Variants in TEX2 observed in about 807,000 individuals in gnomAD.
TEX2 encodes testis expressed 2, also known as testis-expressed protein 2.
A neutral mutation model predicts 106.9 loss-of-function variants in TEX2; 53 were observed. That is an observed-to-expected ratio of 0.50 (90% CI 0.40 to 0.62). The LOEUF is 0.62. Ranked by LOEUF, TEX2 falls within the 20% of genes least tolerant of loss-of-function variation. The probability of loss-of-function intolerance (pLI) is 0.00; values close to 1 mark genes in which losing one functional copy is unlikely to be tolerated. For missense variants in TEX2, 1,207 were observed against 1,379.0 expected (o/e 0.88, Z 1.98); for synonymous variants, 523 against 534.8 (o/e 0.98, Z 0.30).
At chr17:64,252,634 G>A (rs1354900663) in intron 1 of TEX2, among the ~76,000 whole-genome samples, 1 of 152,132 alleles carries the variant, frequency 6.6e-6, no homozygotes, top group Non-Finnish European at 1.5e-5. Flanking sequence ...AAGTTTTAAA[G>A]AGAAGTCCTC....
At chr17:64,225,044 A>G (rs187891884) in intron 1 of TEX2, among the ~76,000 whole-genome samples, 3 of 152,292 alleles carry the variant, frequency 2.0e-5, no homozygotes, top group African/African-American at 7.2e-5. Context: ...ATAACTCAGG[A>G]CAGGTGTGTC....
intron 1 of TEX2, among the ~76,000 whole-genome samples, chr17:64,257,558 T>C (rs1229638689): frequency 6.6e-6 from 1 of 152,216 alleles, no homozygotes; most frequent in African/African-American, 2.4e-5. Flanking sequence ...CACTGTCCAA[T>C]CCCATCCTGC....
intron 1 of TEX2, among the ~76,000 whole-genome samples, chr17:64,229,544 T>G (rs2033605361): frequency 6.6e-6 from 1 of 152,138 alleles, no homozygotes; most frequent in Admixed American, 6.5e-5. Context: ...ATGTTGAAGC[T>G]CTCTATCTTT....
At chr17:64,149,626 C>G (rs1017691298) in intron 11 of TEX2, 4 of 152,378 alleles carry the variant, frequency 2.6e-5, no homozygotes, top group Non-Finnish European at 5.8e-5. Flanking sequence ...CTAAAAATAC[C>G]AAAAAATTAG....
intron 1 of TEX2, among the ~76,000 whole-genome samples, chr17:64,251,874 T>G (rs539139895): frequency 4.3e-4 from 65 of 152,250 alleles, no homozygotes; most frequent in Non-Finnish European, 8.1e-4. Flanking sequence ...CAGAAACACT[T>G]GGCAAACACC....
chr17:64,198,163 A>C (rs1309252958), intron 2 of TEX2, among the ~76,000 whole-genome samples: 1 of 152,116 alleles, frequency 6.6e-6, no homozygotes, highest in East Asian at 1.9e-4. Context: ...GCAGTTAAAA[A>C]AAATGCATTC....
Position 64,185,826 on chromosome 17 carries a change from G to A in TEX2, c.2424+2342C>T, listed in dbSNP as rs901820529. On this transcript the variant is annotated intron_variant, in intron 5 of 11. Coordinates refer to ENST00000584379, the MANE Select transcript of TEX2 (RefSeq NM_001288732.2). This position sits in a 1 kb window ranked among gnomAD's most constrained non-coding sequence, Gnocchi z 4.0. ...AGTCCTGGCTACTCAGGAGGCTGAGGCAGAAGAATTGCTTGAACCTGGGAG... is the reference window on the plus strand; with the variant it reads ...AGTCCTGGCTACTCAGGAGGCTGAGACAGAAGAATTGCTTGAACCTGGGAG... Among the ~76,000 whole-genome samples the A allele has an allele frequency of 6.6e-6, 1 of 152,124 alleles. No individual in the cohort carries two copies. The highest frequency in any genetic ancestry group is 3.2e-3 in the Middle Eastern group (1 of 316).
In TEX2 at chr17:64,167,751, G is replaced by A. The variant is rs1164031458; in HGVS notation, c.2671+3349C>T. ...GGAGAATCACTTGAACCCAGGAGGT[G>A]GAGGTTGCAGTGAGTTGAGATCATG... On this transcript the variant is annotated intron_variant, in intron 7 of 11. Transcript: ENST00000584379. Among the ~76,000 whole-genome samples the A allele has an allele frequency of 8.5e-5, 13 of 152,206 alleles. No individual in the cohort carries two copies. In the South Asian group the frequency reaches 2.5e-3, roughly 29 times the overall value.
At chr17:64,212,482 T>C (rs1166362990) in intron 2 of TEX2, 92 bp downstream of exon 2, 8 of 1,257,320 alleles carry the variant, frequency 6.4e-6, no homozygotes, top group Middle Eastern at 5.0e-4. Context: ...TGTGCAAAAA[T>C]CTTTAACAGC....
At chr17:64,203,407 A>G (rs1415628635) in intron 2 of TEX2, among the ~76,000 whole-genome samples, 3 of 152,244 alleles carry the variant, frequency 2.0e-5, no homozygotes, top group African/African-American at 7.2e-5. Flanking sequence ...GTTGAAAATC[A>G]TCTCTGAAGC....
chr17:64,154,813 CAG>C (rs1207051033), intron 9 of TEX2, 27 bp downstream of exon 9: 2 of 1,545,708 alleles, frequency 1.3e-6, no homozygotes, highest in African/African-American at 1.4e-5. Flanking sequence ...CCTGGAGACT[CAG>C]AGGCACAGAA....
At chr17:64,150,393 T>A (rs1461566179) in intron 11 of TEX2, 1 of 152,360 alleles carries the variant, frequency 6.6e-6, no homozygotes, top group Admixed American at 6.5e-5. Flanking sequence ...CCAGGGCAGG[T>A]GGTACCTGGC....
At chr17:64,252,351 C>G (rs2034108583) in intron 1 of TEX2, among the ~76,000 whole-genome samples, 1 of 152,124 alleles carries the variant, frequency 6.6e-6, no homozygotes. Flanking sequence ...TTTGAGGTGT[C>G]ACCCAGGCTG....
intron 5 of TEX2, among the ~76,000 whole-genome samples, chr17:64,183,821 G>C (rs962702665): frequency 6.6e-5 from 10 of 152,068 alleles, no homozygotes; most frequent in African/African-American, 2.2e-4. Context: ...GGTAGAGATG[G>C]AGTTTTGTCA....
chr17:64,189,908 C>T (rs1028805727), intron 4 of TEX2, among the ~76,000 whole-genome samples: 9 of 151,688 alleles, frequency 5.9e-5, no homozygotes, highest in Non-Finnish European at 1.2e-4. Context: ...TCGCTTCAAC[C>T]TGGGAGGCGG....
intron 8 of TEX2, among the ~76,000 whole-genome samples, chr17:64,158,717 G>C (rs2030747521): frequency 6.6e-6 from 1 of 152,132 alleles, no homozygotes; most frequent in Admixed American, 6.5e-5. Context: ...TGAGCCAAAT[G>C]GTGCATGTGG....
rs769364021 is a variant in TEX2 at position 64,160,785 on chromosome 17, A to G, written c.2804+16T>C. On this transcript the variant is annotated intron_variant, in intron 8 of 11. Coordinates refer to ENST00000584379, the MANE Select transcript of TEX2 (RefSeq NM_001288732.2). ...GCCCCAGGATTGGATTAGTAAATTC[A>G]TATATAGCCCCTTACCCTTCTTTGC... 3 of 1,612,768 alleles carry G rather than the reference A, an allele frequency of 1.9e-6. No individual in the cohort carries two copies. The Admixed American group carries it at 5.0e-5, about 27-fold the overall frequency.
rs782624840 is a variant in TEX2 at position 64,213,596 on chromosome 17, C to T, written c.622G>A (p.Ala208Thr). Residue 208 changes from alanine (A) to threonine (T), a missense_variant, in exon 2 of 12, where the codon GCA becomes ACA. By Grantham distance (58) the Ala-to-Thr change is moderately conservative. Transcript: ENST00000584379. The surrounding 1 kb of genome is among the most constrained non-coding windows in gnomAD (Gnocchi z 4.4). The part of the protein sequence containing the change: ...EVEPKESPHP[A>T]RHRHLMKTLV... ...GTCTTCATCAAGTGCCTGTGCCTTGCGGGGTGTGGGGATTCTTTTGGCTCC... is the reference window on the plus strand; with the variant it reads ...GTCTTCATCAAGTGCCTGTGCCTTGTGGGGTGTGGGGATTCTTTTGGCTCC... The T allele has an allele frequency of 5.0e-6, 8 of 1,613,914 alleles. No individual in the cohort carries two copies. Among genetic ancestry groups the T allele is most frequent in the South Asian group, 1.1e-5 (1 of 91,092 alleles).
intron 5 of TEX2, among the ~76,000 whole-genome samples, chr17:64,179,864 C>G (rs1333467694): frequency 6.6e-6 from 1 of 152,140 alleles, no homozygotes; most frequent in Non-Finnish European, 1.5e-5. Context: ...ATGGATTATT[C>G]TCTCTGGGCT....
Sources: gnomAD v4.1 joint callset for allele counts (sites outside exome capture counted in the v4.1 genomes callset) on GRCh38, gnomAD v4.1.1 for gene constraint, Gnocchi (gnomAD v3.1) non-coding constraint, MANE v1.5 for transcripts, NCBI Gene and HGNC (gene_info 2026-07-23, HGNC 2026-07-21) for gene names.